Variants in NXPE2 observed in about 807,000 individuals in gnomAD.
The protein encoded by NXPE2 is neurexophilin and PC-esterase domain family member 2.
A neutral mutation model predicts 34.4 loss-of-function variants in NXPE2; 34 were observed. That is an observed-to-expected ratio of 0.99 (90% CI 0.75 to 1.31). The LOEUF (loss-of-function observed/expected upper bound fraction) is 1.31, where lower values mean the gene tolerates loss of function less well. Ranked by LOEUF, NXPE2 falls within the 40% of genes most tolerant of loss-of-function variation. The pLI, the probability that NXPE2 is intolerant of heterozygous loss-of-function variation, is 0.00. For missense variants in NXPE2, 649 were observed against 672.5 expected (o/e 0.97, Z 0.39); for synonymous variants, 235 against 231.3 (o/e 1.02, Z -0.15).
the NXPE2 span, among the ~76,000 whole-genome samples, chr11:114,755,818 T>C: frequency 6.6e-6 from 1 of 152,146 alleles, no homozygotes; most frequent in Non-Finnish European, 1.5e-5. Context: ...TCTGGCTGAC[T>C]ATGGATTAGA....
the NXPE2 span, among the ~76,000 whole-genome samples, chr11:114,508,981 T>C: frequency 1.3e-5 from 2 of 151,994 alleles, no homozygotes; most frequent in African/African-American, 4.8e-5. Context: ...ACCTACAGAA[T>C]GAGAGAAAAT....
chr11:114,754,453 C>T, the NXPE2 span, among the ~76,000 whole-genome samples: 1 of 152,204 alleles, frequency 6.6e-6, no homozygotes, highest in Non-Finnish European at 1.5e-5. Flanking sequence ...GAGCCCTAGA[C>T]ATCTGCTCGC....
the NXPE2 span, among the ~76,000 whole-genome samples, chr11:114,483,869 G>A: frequency 1.3e-5 from 2 of 152,298 alleles, no homozygotes; most frequent in African/African-American, 4.8e-5. Context: ...GGTAGTAGGA[G>A]TTCCATCCCA....
the NXPE2 span, among the ~76,000 whole-genome samples, chr11:114,589,435 G>A: frequency 6.6e-6 from 1 of 152,012 alleles, no homozygotes; most frequent in Non-Finnish European, 1.5e-5. Context: ...AGGGGTGTGG[G>A]GTGTCTCATA....
At chr11:114,485,650 A>G in the NXPE2 span, among the ~76,000 whole-genome samples, 1 of 151,908 alleles carries the variant, frequency 6.6e-6, no homozygotes, top group African/African-American at 2.4e-5. Flanking sequence ...CCACTCCCCA[A>G]ACACACTACC....
chr11:114,780,966 C>T, the NXPE2 span, among the ~76,000 whole-genome samples: 2 of 152,178 alleles, frequency 1.3e-5, no homozygotes, highest in South Asian at 2.1e-4. Context: ...AGTGCAGCGG[C>T]GTGAGGCTTG....
chr11:114,764,660 T>C, the NXPE2 span, among the ~76,000 whole-genome samples: 2 of 152,156 alleles, frequency 1.3e-5, no homozygotes, highest in Non-Finnish European at 2.9e-5. Context: ...TTTTATTTCA[T>C]ACCTCTTCTT....
the NXPE2 span, among the ~76,000 whole-genome samples, chr11:114,590,265 G>A: frequency 2.3e-4 from 35 of 152,302 alleles, no homozygotes; most frequent in African/African-American, 8.4e-4. Flanking sequence ...AGCTGACAGA[G>A]CATATAAGAT....
the NXPE2 span, among the ~76,000 whole-genome samples, chr11:114,727,216 G>C: frequency 6.6e-6 from 1 of 152,022 alleles, no homozygotes; most frequent in South Asian, 2.1e-4. Flanking sequence ...AAATTTATCT[G>C]TCTCTGCTTC....
the NXPE2 span, among the ~76,000 whole-genome samples, chr11:114,614,534 G>A: frequency 1.2e-4 from 18 of 151,682 alleles, no homozygotes; most frequent in Non-Finnish European, 2.5e-4. Flanking sequence ...GGGAACCAGT[G>A]TTACCCAGTG....
the NXPE2 span, among the ~76,000 whole-genome samples, chr11:114,796,865 G>A: frequency 2.0e-5 from 3 of 152,230 alleles, no homozygotes; most frequent in Non-Finnish European, 4.4e-5. Flanking sequence ...GAGCAGGTTA[G>A]GCAGAGCACT....
the NXPE2 span, among the ~76,000 whole-genome samples, chr11:114,746,780 T>C: frequency 6.6e-6 from 1 of 150,942 alleles, no homozygotes; most frequent in Non-Finnish European, 1.5e-5. Flanking sequence ...GAACCCGGAA[T>C]GTGGAGGTTG....
the NXPE2 span, among the ~76,000 whole-genome samples, chr11:114,663,683 T>TATCTATCC: frequency 7.7e-6 from 1 of 130,672 alleles, no homozygotes; most frequent in Non-Finnish European, 1.6e-5. Context: ...TCTATTTATC[T>TATCTATCC]ATCTATCTAT....
chr11:114,553,978 C>G, the NXPE2 span: 1 of 985,438 alleles, frequency 1.0e-6, no homozygotes, highest in Non-Finnish European at 1.2e-6. Flanking sequence ...TCATAGGAAT[C>G]TCAAAGTCAA....
chr11:114,647,769 T>TG, the NXPE2 span, among the ~76,000 whole-genome samples: 1 of 152,008 alleles, frequency 6.6e-6, no homozygotes, highest in Non-Finnish European at 1.5e-5. Flanking sequence ...TGGCATGATC[T>TG]GGGTTCACTG....
chr11:114,621,204 G>A, the NXPE2 span, among the ~76,000 whole-genome samples: 1 of 152,160 alleles, frequency 6.6e-6, no homozygotes, highest in African/African-American at 2.4e-5. Flanking sequence ...GTTACCTGGT[G>A]GATAATAAGT....
chr11:114,649,319 A>C, the NXPE2 span, among the ~76,000 whole-genome samples: 1 of 152,240 alleles, frequency 6.6e-6, no homozygotes, highest in South Asian at 2.1e-4. Context: ...GTAGCAAAAA[A>C]TTAGAGAAAA....
chr11:114,497,090 C>A, the NXPE2 span, among the ~76,000 whole-genome samples: 6 of 152,012 alleles, frequency 3.9e-5, no homozygotes, highest in East Asian at 1.2e-3. Context: ...CAGAAGAGGG[C>A]GTTGTTATTA....
the NXPE2 span, among the ~76,000 whole-genome samples, chr11:114,467,793 G>A: frequency 0.25 from 38,462 of 151,712 alleles, 5,019 homozygotes; most frequent in East Asian, 0.37. Flanking sequence ...AAATTTTGCC[G>A]GGTGTGGTGG....
Sources: gnomAD v4.1 joint callset for allele counts (sites outside exome capture counted in the v4.1 genomes callset) on GRCh38, gnomAD v4.1.1 for gene constraint, MANE v1.5 for transcripts, NCBI Gene and HGNC (gene_info 2026-07-23, HGNC 2026-07-21) for gene names.